SERPINB2: variants seen among roughly 807,000 people sequenced by gnomAD.
The protein encoded by SERPINB2 is serpin family B member 2.
SERPINB2 carries 28 observed loss-of-function variants against 39.4 expected under a neutral mutation model. The ratio of observed to expected loss-of-function variants is 0.71; its 90% CI spans 0.53 to 0.97. SERPINB2 has a LOEUF of 0.97. Among genes scored for constraint, SERPINB2 ranks in the 50% least tolerant of loss-of-function variants. The pLI is 0.00. For synonymous variants in SERPINB2, 209 were observed against 175.1 expected (o/e 1.19, Z -1.53); for missense variants, 557 against 505.3 (o/e 1.10, Z -0.98).
chr18:63,900,913 A>G (rs2049987407), intron 5 of SERPINB2, among the ~76,000 whole-genome samples: 1 of 152,194 alleles, frequency 6.6e-6, no homozygotes, highest in South Asian at 2.1e-4. Flanking sequence ...AACGTTGGGA[A>G]GACTGCTAAC....
In SERPINB2 at chr18:63,903,308, C is replaced by T; in HGVS notation, c.*3C>T. 6.7e-7 allele frequency: 1 copy of T among 1,493,698 alleles called. No homozygotes were observed. The highest frequency in any genetic ancestry group is 8.9e-7 in the Non-Finnish European group (1 of 1,122,240). 92.5% of individuals were successfully genotyped at this position (1,493,698 alleles called of 1,614,324 possible). On this transcript the variant is annotated 3_prime_UTR_variant, in exon 8 of 8. Coordinates refer to ENST00000299502, the MANE Select transcript of SERPINB2 (RefSeq NM_002575.3). ...TCGGCAGATTTTCCTCACCCTAAAA[C>T]TAAGCGTGCTGCTTCTGCAAAAGAT...
intron 6 of SERPINB2, 131 bp from the exon 7 acceptor site, chr18:63,902,273 A>AT: frequency 1.3e-6 from 1 of 775,234 alleles, no homozygotes; most frequent in Non-Finnish European, 1.9e-6. Flanking sequence ...TGTACAAATA[A>AT]TTTATTTTGT....
intron 1 of SERPINB2, among the ~76,000 whole-genome samples, chr18:63,889,322 G>C (rs1488300201): frequency 6.6e-6 from 1 of 152,104 alleles, no homozygotes; most frequent in East Asian, 1.9e-4. Flanking sequence ...AATGCATCCA[G>C]GAAAATTTGC....
chr18:63,891,389 TAC>T, intron 1 of SERPINB2, 45 bp from the exon 2 acceptor site: 1 of 1,601,676 alleles, frequency 6.2e-7, no homozygotes, highest in East Asian at 2.2e-5. Context: ...CCCAAAATGT[TAC>T]CTTATGTTTC....
intron 1 of SERPINB2, 106 bp from the exon 2 acceptor site, chr18:63,891,330 G>A (rs186414214): frequency 2.7e-6 from 3 of 1,123,866 alleles, no homozygotes; most frequent in East Asian, 4.8e-5. Context: ...AACAGACAGG[G>A]AATCTGTCCC....
At chr18:63,895,746 A>T (rs2049955516) in intron 3 of SERPINB2, among the ~76,000 whole-genome samples, 1 of 152,160 alleles carries the variant, frequency 6.6e-6, no homozygotes, top group Non-Finnish European at 1.5e-5. Context: ...CTGACAATTG[A>T]TTGAGAAATG....
At position 63,895,345 on chromosome 18, in the gene SERPINB2, C is replaced by A. The variant is rs757634785; in HGVS notation, c.250C>A (p.Gln84Lys). 6.2e-7 allele frequency: 1 copy of A among 1,614,098 alleles called. No individual in the cohort carries two copies. Among genetic ancestry groups the A allele is most frequent in the South Asian group, 1.1e-5 (1 of 91,068 alleles). ...ENFTSCGFMQ[Q>K]IQKGSYPDAI... ...CTTTACCAGCTGTGGGTTCATGCAG[C>A]AGATCCAGAAGGGTAGTTATCCTGA... is the stretch of plus-strand genomic sequence containing the variant. Residue 84 changes from glutamine (Q) to lysine (K), a missense_variant, in exon 3 of 8, where the codon CAG becomes AAG. Physicochemically the swap from Gln to Lys is moderately conservative, Grantham distance 53. Transcript: ENST00000299502.
rs776725615 is a variant in SERPINB2 at position 63,891,268 on chromosome 18, G to C, written c.-9-168G>C. Among the ~76,000 whole-genome samples, 114 of 152,210 alleles carry C rather than the reference G, an allele frequency of 7.5e-4. No homozygotes were observed. The Middle Eastern group carries it at 0.01, about 14-fold the overall frequency. On this transcript the variant is annotated intron_variant, in intron 1 of 7. Transcript: ENST00000299502. Reference sequence around the variant, plus strand: ...AGGGGCTTTTTACGGCTGCACAGGTGGTATGTCCATGAAGCTGTCCCTGAC... The same window carrying C: ...AGGGGCTTTTTACGGCTGCACAGGTCGTATGTCCATGAAGCTGTCCCTGAC...
intron 5 of SERPINB2, among the ~76,000 whole-genome samples, chr18:63,899,585 C>T (rs1325449822): frequency 2.6e-5 from 4 of 152,178 alleles, no homozygotes; most frequent in Admixed American, 2.6e-4. Flanking sequence ...GAGCTCCTAT[C>T]CATCTTACCA....
At chr18:63,897,241 A>T (rs145839181) in intron 4 of SERPINB2, 22 bp downstream of exon 4, 1 of 1,604,102 alleles carries the variant, frequency 6.2e-7, no homozygotes, top group Non-Finnish European at 8.5e-7. Context: ...CTGTAATTGA[A>T]ATGGCTGGAT....
rs572125133 is a variant in SERPINB2, at chr18:63,897,170, T to C, written c.368T>C (p.Leu123Pro). The C allele has an allele frequency of 1.9e-6, 3 of 1,613,392 alleles. No individual in the cohort carries two copies. The highest frequency in any genetic ancestry group is 8.5e-7 in the Non-Finnish European group (1 of 1,179,596). Residue 123 changes from leucine to proline, a missense_variant, in exon 4 of 8, where the codon CTG becomes CCG. Leu to Pro is a moderately conservative substitution (Grantham distance 98). Transcript: ENST00000299502. ...AATGCATCCACAGGGAATTATTTAC[T>C]GGAAAGTGTCAATAAGCTGTTTGGT... ...AINASTGNYL[L>P]ESVNKLFGEK... is the part of the protein sequence containing the mutation.
intron 2 of SERPINB2, among the ~76,000 whole-genome samples, chr18:63,892,382 G>A (rs887966922): frequency 3.9e-5 from 6 of 152,112 alleles, no homozygotes; most frequent in South Asian, 2.1e-4. Flanking sequence ...AAATTATGCC[G>A]GACTACTTCA....
chr18:63,897,510 A>C (rs1409581136), intron 4 of SERPINB2, among the ~76,000 whole-genome samples: 1 of 152,140 alleles, frequency 6.6e-6, no homozygotes, highest in Non-Finnish European at 1.5e-5. Flanking sequence ...TGTCTCTATA[A>C]TGCAAGGAGT....
chr18:63,891,414 T>C (rs2049924849), intron 1 of SERPINB2, 22 bp from the exon 2 acceptor site: 5 of 1,612,596 alleles, frequency 3.1e-6, no homozygotes, highest in Non-Finnish European at 2.5e-6. Flanking sequence ...AGCTGTTTTT[T>C]TCTTCCTCTC....
intron 5 of SERPINB2, among the ~76,000 whole-genome samples, chr18:63,898,268 T>C (rs2049972909): frequency 6.6e-6 from 1 of 152,192 alleles, no homozygotes; most frequent in Non-Finnish European, 1.5e-5. Flanking sequence ...TTATTTTCAC[T>C]CTTTCTTCTC....
intron 3 of SERPINB2, among the ~76,000 whole-genome samples, chr18:63,896,587 A>G (rs1426182706): frequency 3.9e-5 from 6 of 152,238 alleles, no homozygotes; most frequent in Non-Finnish European, 5.9e-5. Context: ...TAATGAGCAC[A>G]TCCATCACTA....
At chr18:63,891,722 T>G in intron 2 of SERPINB2, 110 bp downstream of exon 2, 1 of 1,070,540 alleles carries the variant, frequency 9.3e-7, no homozygotes, top group Non-Finnish European at 1.3e-6. Flanking sequence ...TCAGCAATCA[T>G]CACAGGTAAT....
intron 5 of SERPINB2, 59 bp from the exon 6 acceptor site, chr18:63,901,681 A>G: frequency 1.6e-6 from 2 of 1,225,560 alleles, no homozygotes; most frequent in Non-Finnish European, 2.2e-6. Flanking sequence ...CAGAAGATTC[A>G]GTAAGTAATT....
chr18:63,898,926 A>G (rs551696789), intron 5 of SERPINB2, among the ~76,000 whole-genome samples: 120 of 152,294 alleles, frequency 7.9e-4, no homozygotes, highest in African/African-American at 2.8e-3. Flanking sequence ...GAGGTGATGC[A>G]GTACACTTAT....
Sources: gnomAD v4.1 joint callset for allele counts (sites outside exome capture counted in the v4.1 genomes callset) on GRCh38, gnomAD v4.1.1 for gene constraint, MANE v1.5 for transcripts, NCBI Gene and HGNC (gene_info 2026-07-23, HGNC 2026-07-21) for gene names.